The following MAGEC3 variants were observed in gnomAD, a reference collection of about 807,000 sequenced individuals.
MAGEC3 encodes MAGE family member C3.
A neutral mutation model predicts 35.3 loss-of-function variants in MAGEC3; 34 were observed. That is an observed-to-expected ratio of 0.96 (90% CI 0.73 to 1.28). The LOEUF (loss-of-function observed/expected upper bound fraction) is 1.28. MAGEC3 is among the 50% of genes most tolerant of loss of function. The probability of loss-of-function intolerance (pLI) is 0.00; values close to 1 mark genes in which losing one functional copy is unlikely to be tolerated. For synonymous variants in MAGEC3, 202 were observed against 185.6 expected (o/e 1.09, Z -0.72); for missense variants, 561 against 483.6 (o/e 1.16, Z -1.50).
chrX:141,873,879 A>G (rs1224904446), intron 2 of MAGEC3, among the ~76,000 whole-genome samples: 1 of 112,042 alleles, frequency 8.9e-6, no homozygotes, highest in Non-Finnish European at 1.9e-5. Flanking sequence ...AATATGTTTT[A>G]TGTGGAAAGG....
intron 1 of MAGEC3, among the ~76,000 whole-genome samples, chrX:141,860,320 C>T (rs149574215): frequency 0.014 from 1,567 of 111,201 alleles, 9 homozygotes; most frequent in Middle Eastern, 0.037. Flanking sequence ...CCTCTTGATT[C>T]GAATAAATGG....
chrX:141,872,988 C>G (rs1361074392), intron 2 of MAGEC3, among the ~76,000 whole-genome samples: 1 of 111,958 alleles, frequency 8.9e-6, no homozygotes, highest in Non-Finnish European at 1.9e-5. Context: ...GCCTTTGCCC[C>G]CAACACCCAT....
At chrX:141,848,105 G>A (rs745749869) in intron 1 of MAGEC3, among the ~76,000 whole-genome samples, 2 of 109,312 alleles carry the variant, frequency 1.8e-5, no homozygotes, top group African/African-American at 6.6e-5. Context: ...ATATATACAC[G>A]CATCTATATG....
intron 1 of MAGEC3, among the ~76,000 whole-genome samples, chrX:141,861,002 A>G (rs1331759811): frequency 9.0e-6 from 1 of 111,613 alleles, no homozygotes; most frequent in Admixed American, 9.6e-5. Flanking sequence ...TATTATATAT[A>G]TTTCACCATA....
chrX:141,888,287 C>T (rs1175007031), intron 4 of MAGEC3, among the ~76,000 whole-genome samples: 1 of 112,131 alleles, frequency 8.9e-6, no homozygotes, highest in Admixed American at 9.5e-5. Flanking sequence ...CTTTCTAGGA[C>T]ATCCCTGAAG....
intron 1 of MAGEC3, among the ~76,000 whole-genome samples, chrX:141,857,308 G>T (rs777132126): frequency 3.5e-4 from 39 of 111,019 alleles, no homozygotes; most frequent in Non-Finnish European, 5.9e-4. Context: ...GGTGCAAATT[G>T]ATTAGCTAAT....
intron 1 of MAGEC3, among the ~76,000 whole-genome samples, chrX:141,841,633 A>G (rs902834879): frequency 8.9e-6 from 1 of 111,981 alleles, no homozygotes; most frequent in Admixed American, 9.5e-5. Flanking sequence ...ATCCTAAATG[A>G]GACTTAGTAG....
chrX:141,880,051 A>G (rs990765044), intron 3 of MAGEC3, among the ~76,000 whole-genome samples: 34 of 110,589 alleles, frequency 3.1e-4, no homozygotes, highest in Non-Finnish European at 5.7e-4. Flanking sequence ...GCTGAGCGGC[A>G]GCCCTCTCAT....
chrX:141,868,941 G>T (rs182363017), intron 2 of MAGEC3, among the ~76,000 whole-genome samples: 13 of 109,157 alleles, frequency 1.2e-4, no homozygotes, highest in African/African-American at 4.3e-4. Context: ...GAGTGCAGTG[G>T]TGCTATCTCG....
In MAGEC3 at chrX:141,879,384, T is replaced by G. The variant is rs1032579427; in HGVS notation, c.468T>G (p.Leu156=). 2 of 1,167,844 alleles carry G rather than the reference T, an allele frequency of 1.7e-6. No homozygotes were observed. Among genetic ancestry groups the G allele is most frequent in the African/African-American group, 4.9e-5 (2 of 40,848 alleles). ...GAGGCACAGGCTACACCCTTTCCCT[T>G]CCTGCCGTCAGCCCTGGAAAAAGGT... The part of the protein sequence containing the change: ...WRRGTGYTLS[L]PAVSPGKRLW... The change falls in exon 3 of 8, where the codon CTT becomes CTG. Residue 156 remains leucine (L), a synonymous_variant. Transcript: ENST00000298296.
chrX:141,880,996 G>A, intron 3 of MAGEC3: 1 of 504,471 alleles, frequency 2.0e-6, no homozygotes, highest in East Asian at 4.2e-5. Flanking sequence ...GTTTTGAAAT[G>A]TTCCTAGCGG....
At chrX:141,894,497 G>A (rs997816871) in intron 4 of MAGEC3, 5 of 330,578 alleles carry the variant, frequency 1.5e-5, no homozygotes, top group Non-Finnish European at 1.9e-5. Flanking sequence ...ACACACGGTA[G>A]TACTTAAAGT....
intron 4 of MAGEC3, among the ~76,000 whole-genome samples, chrX:141,882,396 T>G (rs2017973441): frequency 8.9e-6 from 1 of 112,125 alleles, no homozygotes; most frequent in African/African-American, 3.3e-5. Flanking sequence ...TTATCTAGTT[T>G]AAGAGTAACA....
chrX:141,882,138 C>T (rs890970423), intron 4 of MAGEC3, among the ~76,000 whole-genome samples: 3 of 111,590 alleles, frequency 2.7e-5, no homozygotes. Flanking sequence ...CTTCTCCTGT[C>T]CTGAGTGAAG....
At chrX:141,878,777 G>A (rs776779840) in intron 2 of MAGEC3, among the ~76,000 whole-genome samples, 21 of 111,953 alleles carry the variant, frequency 1.9e-4, no homozygotes, top group African/African-American at 4.5e-4. Context: ...AGATGCTAGC[G>A]CTTTTCACTT....
At chrX:141,854,868 G>T (rs1301081304) in intron 1 of MAGEC3, among the ~76,000 whole-genome samples, 1 of 111,594 alleles carries the variant, frequency 9.0e-6, no homozygotes, top group Admixed American at 9.5e-5. Context: ...ATATACAACT[G>T]AAGAGGTAGG....
chrX:141,862,813 T>A (rs996823761), intron 1 of MAGEC3, among the ~76,000 whole-genome samples: 11 of 111,362 alleles, frequency 9.9e-5, no homozygotes, highest in African/African-American at 3.6e-4. Flanking sequence ...GTTGGGGTGG[T>A]GAAGAGAGGT....
At position 141,838,366 on chromosome X, in the gene MAGEC3, T is replaced by C; in HGVS notation, c.51T>C (p.Ser17=). The change falls in exon 1 of 8, where the codon AGT becomes AGC. Residue 17 remains serine (S), a synonymous_variant. Coordinates refer to ENST00000298296, the MANE Select transcript of MAGEC3 (RefSeq NM_138702.1). ...TGGATGCCACCTTCAGTGATGGCAG[T>C]CTAGGCCAGTGGGTGAAAAACACAT... ...WVLDATFSDG[S]LGQWVKNTCA... is the part of the protein sequence containing the mutation. 8.3e-7 allele frequency: 1 copy of C among 1,211,152 alleles called. No individual in the cohort carries two copies. The highest frequency in any genetic ancestry group is 1.1e-6 in the Non-Finnish European group (1 of 894,998).
At chrX:141,856,076 A>G (rs1002167610) in intron 1 of MAGEC3, among the ~76,000 whole-genome samples, 3 of 111,630 alleles carry the variant, frequency 2.7e-5, no homozygotes, top group Non-Finnish European at 3.8e-5. Flanking sequence ...CCCTTGATCT[A>G]ATATTTCTGA....
Sources: allele counts gnomAD v4.1 joint callset (sites outside exome capture counted in the v4.1 genomes callset), GRCh38; gene constraint gnomAD v4.1.1; transcripts MANE v1.5; gene names NCBI Gene and HGNC (gene_info 2026-07-23, HGNC 2026-07-21).